The following SLC14A2 variants were observed in gnomAD, a reference collection of about 807,000 sequenced individuals.
SLC14A2 encodes the protein urea transporter 2.
Under a neutral mutation model 104.6 loss-of-function variants are expected in SLC14A2, and 91 were observed. That is an observed-to-expected ratio of 0.87 (90% CI 0.73 to 1.04). SLC14A2 has a LOEUF of 1.04. SLC14A2 is among the 50% of genes least tolerant of loss of function. SLC14A2 has a pLI of 0.00. For synonymous variants in SLC14A2, 476 were observed against 466.4 expected, an observed-to-expected ratio of 1.02 and a Z score of -0.27; for missense variants, 1,189 against 1,156.0, an observed-to-expected ratio of 1.03 and a Z score of -0.41.
At chr18:45,605,958 G>T (rs542451669) in intron 2 of SLC14A2, among the ~76,000 whole-genome samples, 1 of 152,238 alleles carries the variant, frequency 6.6e-6, no homozygotes, top group African/African-American at 2.4e-5. Context: ...TGTTTTCGGG[G>T]TATTGAGTTC....
chr18:45,532,879 C>T (rs1425958512), intron 2 of SLC14A2, among the ~76,000 whole-genome samples: 1 of 152,088 alleles, frequency 6.6e-6, no homozygotes, highest in Non-Finnish European at 1.5e-5. Flanking sequence ...ACCATCAATA[C>T]CTAATTTATT....
At chr18:45,368,523 C>T (rs1269986559) in intron 1 of SLC14A2, among the ~76,000 whole-genome samples, 1 of 152,166 alleles carries the variant, frequency 6.6e-6, no homozygotes, top group Non-Finnish European at 1.5e-5. Flanking sequence ...CACTTCCTGC[C>T]ACATTGGGCT....
At chr18:45,330,514 A>G (rs1239386017) in intron 1 of SLC14A2, among the ~76,000 whole-genome samples, 6 of 152,226 alleles carry the variant, frequency 3.9e-5, no homozygotes, top group African/African-American at 7.2e-5. Flanking sequence ...AATGTTAGTC[A>G]TGCCCTATCT....
chr18:45,422,864 C>T (rs915269355), intron 1 of SLC14A2, among the ~76,000 whole-genome samples: 1 of 152,178 alleles, frequency 6.6e-6, no homozygotes, highest in South Asian at 2.1e-4. Flanking sequence ...CAGGCAATTA[C>T]ACCTCATCAG....
intron 1 of SLC14A2, among the ~76,000 whole-genome samples, chr18:45,421,483 G>A (rs1333617118): frequency 6.6e-6 from 1 of 152,200 alleles, no homozygotes; most frequent in Non-Finnish European, 1.5e-5. Flanking sequence ...GCAGAGAGGA[G>A]TGTGCTAGAC....
rs994807830 is a variant in SLC14A2, at chr18:45,215,966, A to G, written c.-125+2775A>G. On this transcript the variant is annotated intron_variant, in intron 1 of 20. Transcript: ENST00000586448. The stretch of plus-strand genomic sequence containing the variant: ...ATACAGTGTACATTTAGGGACACCT[A>G]TTGAGTACATAACATGAAACATTCC... Among the ~76,000 whole-genome samples, 4 of 152,158 alleles carry G rather than the reference A, an allele frequency of 2.6e-5. No individual in the cohort carries two copies. In the East Asian group the frequency reaches 7.7e-4, roughly 29 times the overall value.
the SLC14A2 span, among the ~76,000 whole-genome samples, chr18:45,177,342 C>G: frequency 6.6e-6 from 1 of 152,172 alleles, no homozygotes; most frequent in African/African-American, 2.4e-5. Context: ...ATATCAATCA[C>G]TACACTGCTT....
In SLC14A2 at chr18:45,562,720, A is replaced by G. The variant is rs192119937; in HGVS notation, c.-34-61911A>G. Among the ~76,000 whole-genome samples, 10 of 152,198 alleles carry G rather than the reference A, an allele frequency of 6.6e-5. No individual in the cohort carries two copies. In the East Asian group the frequency reaches 1.9e-3, roughly 29 times the overall value. On this transcript the variant is annotated intron_variant, in intron 2 of 20. Coordinates refer to the SLC14A2 transcript ENST00000586448. ...GTCACTTGTTGATAGCAATATGATC[A>G]TTCAAGGAGAAAACAATTAGGGATG...
intron 2 of SLC14A2, among the ~76,000 whole-genome samples, chr18:45,531,162 G>A (rs551302000): frequency 7.2e-5 from 11 of 152,274 alleles, no homozygotes; most frequent in Admixed American, 2.0e-4. Flanking sequence ...ATAAACATAC[G>A]TGTGCATGTG....
At chr18:45,502,315 A>G (rs2043211399) in intron 2 of SLC14A2, among the ~76,000 whole-genome samples, 1 of 152,192 alleles carries the variant, frequency 6.6e-6, no homozygotes, top group African/African-American at 2.4e-5. Context: ...AACTAAAGTT[A>G]ATTGTTTAGA....
upstream of SLC14A2, chr18:45,212,930 T>C (rs1487601760): frequency 6.6e-6 from 1 of 152,364 alleles, no homozygotes; most frequent in African/African-American, 2.4e-5. Flanking sequence ...TAGTGGGGGA[T>C]CCAACTTTCT....
intron 2 of SLC14A2, among the ~76,000 whole-genome samples, chr18:45,602,880 G>C (rs1328249881): frequency 6.6e-6 from 1 of 152,112 alleles, no homozygotes; most frequent in Non-Finnish European, 1.5e-5. Context: ...ATATCTGTCA[G>C]CACAACCAGC....
At chr18:45,361,105 C>T (rs996906310) in intron 1 of SLC14A2, among the ~76,000 whole-genome samples, 1 of 152,172 alleles carries the variant, frequency 6.6e-6, no homozygotes, top group Non-Finnish European at 1.5e-5. Context: ...GACCACCCAG[C>T]TAGAAGTCCC....
chr18:45,678,889 T>G, intron 18 of SLC14A2, 86 bp from the exon 19 acceptor site: 6 of 1,234,984 alleles, frequency 4.9e-6, no homozygotes, highest in Non-Finnish European at 4.5e-6. Context: ...GGCATAAAAT[T>G]GATGGGAAGA....
chr18:45,232,374 T>C (rs1294681178), intron 1 of SLC14A2, among the ~76,000 whole-genome samples: 1 of 151,856 alleles, frequency 6.6e-6, no homozygotes, highest in African/African-American at 2.4e-5. Context: ...GAAGAGGAAG[T>C]CCATCCCCAT....
chr18:45,601,031 C>T (rs1234493329), intron 2 of SLC14A2, among the ~76,000 whole-genome samples: 12 of 152,156 alleles, frequency 7.9e-5, no homozygotes, highest in Admixed American at 2.0e-4. Flanking sequence ...GGGACCAAGA[C>T]TCAAACTCAG....
intron 4 of SLC14A2, 101 bp from the exon 5 acceptor site, chr18:45,632,249 A>G (rs1181671719): frequency 1.4e-6 from 2 of 1,437,362 alleles, no homozygotes; most frequent in African/African-American, 2.9e-5. Context: ...CATTATTATT[A>G]AAGGAATCAT....
chr18:45,261,043 AG>A lies in SLC14A2; in HGVS notation c.-125+47855del, dbSNP rs372045996. ...TCTTTTTTTTTTTAATTTAAGTTTT[AG>A]GGTACATGTGCACAATGTTCAGGTT... On this transcript the variant is annotated intron_variant, in intron 1 of 20. Coordinates refer to the SLC14A2 transcript ENST00000586448. Among the ~76,000 whole-genome samples, 3 of 151,754 alleles carry A rather than the reference AG, an allele frequency of 2.0e-5. 1 individual carries two copies. Among genetic ancestry groups the A allele is most frequent in the African/African-American group, 7.3e-5 (3 of 41,354 alleles).
At position 45,231,351 on chromosome 18, in the gene SLC14A2, C is replaced by T. The variant is rs115893855; in HGVS notation, c.-125+18160C>T. ...CTGAGTACCTGAGACTACTAGCATG[C>T]ATCACCATGCCTGGCTAATTTTTTA... On this transcript the variant is annotated intron_variant, in intron 1 of 20. Transcript: ENST00000586448. Among the ~76,000 whole-genome samples, 971 of 152,212 alleles carry T rather than the reference C, an allele frequency of 6.4e-3. 19 individuals are homozygous for T. The highest frequency in any genetic ancestry group is 0.022 in the African/African-American group (919 of 41,504).
Sources: gnomAD v4.1 joint callset for allele counts (sites outside exome capture counted in the v4.1 genomes callset) on GRCh38, gnomAD v4.1.1 for gene constraint, MANE v1.5 for transcripts, NCBI Gene and HGNC (gene_info 2026-07-23, HGNC 2026-07-21) for gene names.